Variants in MFF observed in about 807,000 individuals in gnomAD.
MFF encodes chromosome 2 open reading frame 33.
MFF carries 12 observed loss-of-function variants against 36.9 expected under a neutral mutation model. That is an observed-to-expected ratio of 0.33 (90% confidence interval 0.21 to 0.53). MFF has a LOEUF of 0.53. Among genes scored for constraint, MFF ranks in the 20% least tolerant of loss-of-function variants. The pLI, the probability that MFF is intolerant of heterozygous loss-of-function variation, is 0.95. For synonymous variants in MFF, 99 were observed against 126.2 expected, an observed-to-expected ratio of 0.78 and a Z score of 1.44; for missense variants, 348 against 366.6, an observed-to-expected ratio of 0.95 and a Z score of 0.42.
intron 1 of MFF, among the ~76,000 whole-genome samples, chr2:227,327,585 A>G (rs182742891): frequency 6.6e-6 from 1 of 152,294 alleles, no homozygotes; most frequent in Admixed American, 6.5e-5. Context: ...TTCAGCATCC[A>G]CCTTTATTTT....
chr2:227,338,488 C>G (rs1166916075), intron 4 of MFF, among the ~76,000 whole-genome samples: 1 of 151,962 alleles, frequency 6.6e-6, no homozygotes, highest in Non-Finnish European at 1.5e-5. Flanking sequence ...TTTTCAAGTC[C>G]TTAATTCACA....
At chr2:227,330,410 A>G (rs1264623831) in intron 2 of MFF, 5 of 530,714 alleles carry the variant, frequency 9.4e-6, no homozygotes, top group Non-Finnish European at 1.7e-5. Flanking sequence ...CTCCTAAGCA[A>G]TATCCTCAAG....
At chr2:227,347,606 A>G (rs1157201146) in intron 6 of MFF, among the ~76,000 whole-genome samples, 8 of 152,228 alleles carry the variant, frequency 5.3e-5, no homozygotes, top group African/African-American at 1.4e-4. Flanking sequence ...GAGAGTATAC[A>G]TAGAAAGTGT....
intron 1 of MFF, among the ~76,000 whole-genome samples, chr2:227,326,240 A>C (rs1458956488): frequency 2.0e-5 from 3 of 151,254 alleles, no homozygotes; most frequent in Middle Eastern, 3.2e-3. Flanking sequence ...AAAAAAAAAA[A>C]GGTTTCTGGC....
chr2:227,341,705 T>A (rs560516386), intron 5 of MFF, among the ~76,000 whole-genome samples: 35 of 152,158 alleles, frequency 2.3e-4, no homozygotes, highest in Non-Finnish European at 4.4e-4. Flanking sequence ...CTTGATCTGC[T>A]TTAGAGTGAT....
In MFF at chr2:227,325,269, C is replaced by T. The variant is rs28365988; in HGVS notation, c.-311C>T. ...GGCTCCCAGAAGGGGCCAGCCCGCGCCTTTCGCGCTTCTGCCCTGGCCCTC... is the reference window on the plus strand; with the variant it reads ...GGCTCCCAGAAGGGGCCAGCCCGCGTCTTTCGCGCTTCTGCCCTGGCCCTC... On this transcript the variant is annotated 5_prime_UTR_variant, in exon 1 of 9. Transcript: ENST00000304593. 1.3e-5 allele frequency: 2 copies of T among 152,804 alleles called. No homozygotes were observed. The highest frequency in any genetic ancestry group is 6.5e-5 in the Admixed American group (1 of 15,314). The allele number at this position is 152,804 out of a possible 1,614,324, so 9.5% of individuals were successfully genotyped here. A position where few individuals can be genotyped will look rare whatever the true frequency, so the allele number is the denominator to read the frequency against.
intron 4 of MFF, among the ~76,000 whole-genome samples, chr2:227,339,812 C>G (rs2075284999): frequency 6.6e-6 from 1 of 152,204 alleles, no homozygotes; most frequent in East Asian, 1.9e-4. Flanking sequence ...ATGCCAAAAC[C>G]ATTAAGCTAG....
At chr2:227,349,621 G>A (rs2075888795) in intron 6 of MFF, among the ~76,000 whole-genome samples, 1 of 152,080 alleles carries the variant, frequency 6.6e-6, no homozygotes, top group South Asian at 2.1e-4. Flanking sequence ...ATTTTTTAAA[G>A]TTGTATTCAC....
chr2:227,340,471 G>T, intron 5 of MFF, 91 bp downstream of exon 5: 1 of 928,478 alleles, frequency 1.1e-6, no homozygotes, highest in Non-Finnish European at 1.6e-6. Context: ...ACTTCATGTA[G>T]TTTTTAAAAT....
intron 3 of MFF, 131 bp downstream of exon 3, chr2:227,330,977 C>G (rs2074530184): frequency 1.4e-6 from 1 of 710,938 alleles, no homozygotes; most frequent in East Asian, 2.7e-5. Flanking sequence ...TTTGAAATTT[C>G]TATTCATTAT....
intron 8 of MFF, 88 bp downstream of exon 8, chr2:227,355,849 C>G: frequency 1.2e-6 from 1 of 816,054 alleles, no homozygotes; most frequent in Non-Finnish European, 2.0e-6. Context: ...ATTATTTTCT[C>G]TCCTGTGGGA....
In MFF at chr2:227,332,252, G is replaced by A. The variant is rs113141549; in HGVS notation, c.182-167G>A. Among the ~76,000 whole-genome samples, 15,112 of 151,942 alleles carry A rather than the reference G, an allele frequency of 0.099. 1,210 individuals carry two copies. Among genetic ancestry groups the A allele is most frequent in the African/African-American group, 0.21 (8,533 of 41,408 alleles). On this transcript the variant is annotated intron_variant, in intron 3 of 8. Coordinates refer to ENST00000304593, the MANE Select transcript of MFF (RefSeq NM_001277062.2). ...CTCCCAAAGTGCTGGGATTACAGGCGTGAGCCACCGCGCCCGGCCTGGAAG... is the reference window on the plus strand; with the variant it reads ...CTCCCAAAGTGCTGGGATTACAGGCATGAGCCACCGCGCCCGGCCTGGAAG...
At chr2:227,345,312 A>G (rs1253057136) in intron 5 of MFF, among the ~76,000 whole-genome samples, 2 of 152,212 alleles carry the variant, frequency 1.3e-5, no homozygotes, top group African/African-American at 2.4e-5. Flanking sequence ...ATTTGAGTTT[A>G]GTTCATTCAT....
At position 227,327,044 on chromosome 2, in the gene MFF, C is replaced by T. The variant is rs1299298887; in HGVS notation, c.-153+1617C>T. The stretch of plus-strand genomic sequence containing the variant: ...TTTTGTAATAGGATGTTTTTGCAAT[C>T]TGTATTTATATATGTACAGCCATGG... On this transcript the variant is annotated intron_variant, in intron 1 of 8. Transcript: ENST00000304593. 2.0e-5 allele frequency among the ~76,000 whole-genome samples: 3 copies of T among 152,064 alleles called. No individual in the cohort carries two copies. The East Asian group carries it at 5.8e-4, about 29-fold the overall frequency.
At chr2:227,350,512 A>G (rs1180688351) in intron 6 of MFF, among the ~76,000 whole-genome samples, 1 of 152,124 alleles carries the variant, frequency 6.6e-6, no homozygotes, top group African/African-American at 2.4e-5. Flanking sequence ...TAAGAAACCA[A>G]TGTATGAATA....
At chr2:227,351,011 C>G (rs907512084) in intron 6 of MFF, among the ~76,000 whole-genome samples, 1 of 152,098 alleles carries the variant, frequency 6.6e-6, no homozygotes, top group African/African-American at 2.4e-5. Context: ...AAAGGGAAAT[C>G]TCTGTGGTGG....
chr2:227,338,571 C>A (rs2075182138), intron 4 of MFF, among the ~76,000 whole-genome samples: 1 of 151,856 alleles, frequency 6.6e-6, no homozygotes, highest in Non-Finnish European at 1.5e-5. Context: ...GTGGCTCACG[C>A]CTGTAATCCC....
chr2:227,354,463 T>C (rs1030963248), intron 7 of MFF, among the ~76,000 whole-genome samples: 33 of 152,356 alleles, frequency 2.2e-4, no homozygotes, highest in Admixed American at 1.3e-4. Flanking sequence ...GAAAATTTAC[T>C]ATGCCATTTT....
At chr2:227,327,894 A>G (rs1421885981) in intron 1 of MFF, among the ~76,000 whole-genome samples, 1 of 152,210 alleles carries the variant, frequency 6.6e-6, no homozygotes, top group Non-Finnish European at 1.5e-5. Flanking sequence ...GATACACGCA[A>G]GTATTAGAAG....
Sources: allele counts gnomAD v4.1 joint callset (sites outside exome capture counted in the v4.1 genomes callset), GRCh38; gene constraint gnomAD v4.1.1; transcripts MANE v1.5; gene names NCBI Gene and HGNC (gene_info 2026-07-23, HGNC 2026-07-21).